Variants in KCNAB1 observed in about 807,000 individuals in gnomAD.
The protein encoded by KCNAB1 is voltage-gated potassium channel subunit beta-1.
A neutral mutation model predicts 64.6 loss-of-function variants in KCNAB1; 35 were observed. The observed-to-expected ratio is 0.54, with a 90% CI of 0.41 to 0.72. KCNAB1 has a LOEUF of 0.72. Among genes scored for constraint, KCNAB1 ranks in the 30% least tolerant of loss-of-function variants. The pLI is 0.00. For missense variants in KCNAB1, 401 were observed against 512.9 expected (o/e 0.78, Z 2.11); for synonymous variants, 177 against 183.8 (o/e 0.96, Z 0.30).
chr3:156,311,584 C>A (rs980611898), intron 1 of KCNAB1, among the ~76,000 whole-genome samples: 2 of 152,154 alleles, frequency 1.3e-5, no homozygotes, highest in African/African-American at 4.8e-5. Context: ...ATGCGCAGAC[C>A]TGGGCCAGCG....
intron 1 of KCNAB1, among the ~76,000 whole-genome samples, chr3:156,389,006 C>T (rs1429119439): frequency 6.6e-6 from 1 of 152,198 alleles, no homozygotes; most frequent in East Asian, 1.9e-4. Flanking sequence ...TAAGTTCCCT[C>T]CCACCAGATG....
chr3:156,497,960 A>G (rs903563052), intron 8 of KCNAB1, among the ~76,000 whole-genome samples: 2 of 152,202 alleles, frequency 1.3e-5, no homozygotes, highest in African/African-American at 4.8e-5. Flanking sequence ...AACTCACACT[A>G]ACTTGGTATA....
intron 1 of KCNAB1, among the ~76,000 whole-genome samples, chr3:156,278,343 T>C (rs2108500261): frequency 6.6e-6 from 1 of 152,218 alleles, no homozygotes; most frequent in African/African-American, 2.4e-5. Flanking sequence ...TCCTCCAGAG[T>C]CTGGTTCACT....
chr3:156,118,894 C>G (rs1713200090), upstream of KCNAB1, among the ~76,000 whole-genome samples: 1 of 152,216 alleles, frequency 6.6e-6, no homozygotes, highest in South Asian at 2.1e-4. Flanking sequence ...CTCAATGACT[C>G]AAGGGATGGG....
At chr3:156,392,221 G>A (rs561002421) in intron 1 of KCNAB1, among the ~76,000 whole-genome samples, 16 of 152,254 alleles carry the variant, frequency 1.1e-4, no homozygotes, top group Non-Finnish European at 1.9e-4. Context: ...CTACCCAGTA[G>A]GAAAAACACC....
intron 1 of KCNAB1, among the ~76,000 whole-genome samples, chr3:156,274,900 G>T (rs960624368): frequency 8.6e-5 from 13 of 152,012 alleles, no homozygotes; most frequent in African/African-American, 3.1e-4. Context: ...TAATTTCTTA[G>T]CAAATTTCAA....
chr3:156,167,617 T>C (rs879552543), intron 1 of KCNAB1, among the ~76,000 whole-genome samples: 5 of 152,192 alleles, frequency 3.3e-5, no homozygotes, highest in Admixed American at 3.3e-4. Context: ...CTCATTGACA[T>C]GTATAAAATA....
chr3:156,350,953 C>T (rs1055630902), intron 1 of KCNAB1, among the ~76,000 whole-genome samples: 12 of 152,212 alleles, frequency 7.9e-5, no homozygotes, highest in African/African-American at 2.7e-4. Flanking sequence ...AGCTGAGACA[C>T]CGTGTGTGAA....
chr3:156,384,367 C>G (rs766394621), intron 1 of KCNAB1, among the ~76,000 whole-genome samples: 1 of 152,104 alleles, frequency 6.6e-6, no homozygotes, highest in Non-Finnish European at 1.5e-5. Flanking sequence ...CCTAGTAGCC[C>G]GATAGTAAAG....
chr3:156,346,444 A>C (rs1215513190), intron 1 of KCNAB1, among the ~76,000 whole-genome samples: 1 of 152,200 alleles, frequency 6.6e-6, no homozygotes, highest in Admixed American at 6.5e-5. Flanking sequence ...AAATTAGCAG[A>C]AGCATCATGT....
At chr3:156,149,395 A>G (rs914336668) in intron 1 of KCNAB1, among the ~76,000 whole-genome samples, 1 of 152,208 alleles carries the variant, frequency 6.6e-6, no homozygotes, top group South Asian at 2.1e-4. Context: ...GAATTGAAAA[A>G]AAGGGGAAGG....
At chr3:156,172,215 A>C (rs1013737758) in intron 1 of KCNAB1, among the ~76,000 whole-genome samples, 2 of 152,186 alleles carry the variant, frequency 1.3e-5, no homozygotes, top group Non-Finnish European at 2.9e-5. Context: ...GATGTGTGAC[A>C]GACAGAGGGA....
chr3:156,253,694 T>C (rs780236480), intron 1 of KCNAB1, among the ~76,000 whole-genome samples: 1 of 152,220 alleles, frequency 6.6e-6, no homozygotes, highest in Non-Finnish European at 1.5e-5. Flanking sequence ...TTGCTTTGTC[T>C]AAACCACATT....
In KCNAB1 at chr3:156,387,021, T is replaced by C. The variant is rs868496144; in HGVS notation, c.276-34595T>C. 4.1e-4 allele frequency among the ~76,000 whole-genome samples: 60 copies of C among 148,106 alleles called. 2 individuals carry two copies. The highest frequency in any genetic ancestry group is 1.2e-3 in the African/African-American group (49 of 39,478). ...TGCTTGCTTTCTCTCTCTCTTTTTTTTTTTTTTTTTTTTGCCTGTATGCTA... is the reference window on the plus strand; with the variant it reads ...TGCTTGCTTTCTCTCTCTCTTTTTTCTTTTTTTTTTTTTGCCTGTATGCTA... On this transcript the variant is annotated intron_variant, in intron 1 of 13. Transcript: ENST00000490337.
At position 156,536,745 on chromosome 3, in the gene KCNAB1, T is replaced by C. The variant is rs1367159784; in HGVS notation, c.1258T>C (p.Ter420GlnextTer4). 1 of 1,599,282 alleles carries C rather than the reference T, an allele frequency of 6.3e-7. No homozygotes were observed. The highest frequency in any genetic ancestry group is 2.2e-5 in the East Asian group (1 of 44,812). Residue 420 changes from the stop codon to glutamine, a stop_lost, in exon 14 of 14, where the codon TAA (stop) becomes CAA (glutamine). Coordinates refer to ENST00000490337, the MANE Select transcript of KCNAB1 (RefSeq NM_172160.3). ...CTACAGCAAGAAGGACTATAGATCA[T>C]AAGGCAATGCATGAACCACAGAAGC... ...KPYSKKDYRS[*>Q]
chr3:156,284,620 C>T lies in KCNAB1; in HGVS notation c.276-136996C>T, dbSNP rs1018508678. ...ACTGCTGTGCTAGCAATCAGCGAGACTCCGTGGGCATAGGACCCTCGGAGC... is the reference window on the plus strand; with the variant it reads ...ACTGCTGTGCTAGCAATCAGCGAGATTCCGTGGGCATAGGACCCTCGGAGC... On this transcript the variant is annotated intron_variant, in intron 1 of 13. Transcript: ENST00000490337. Among the ~76,000 whole-genome samples the T allele has an allele frequency of 7.2e-5, 11 of 152,186 alleles. No homozygotes were observed. The South Asian group carries it at 1.0e-3, about 14-fold the overall frequency.
chr3:156,391,804 G>A (rs1007633107), intron 1 of KCNAB1, among the ~76,000 whole-genome samples: 4 of 152,184 alleles, frequency 2.6e-5, no homozygotes, highest in African/African-American at 9.7e-5. Context: ...GTTTCAAAAA[G>A]TCATGTGACT....
chr3:156,385,655 G>A (rs1243304835), intron 1 of KCNAB1, among the ~76,000 whole-genome samples: 1 of 152,110 alleles, frequency 6.6e-6, no homozygotes, highest in African/African-American at 2.4e-5. Flanking sequence ...AGTAAAACCA[G>A]AAAAGGAAGT....
At chr3:156,504,652 C>T (rs1716689911) in intron 8 of KCNAB1, among the ~76,000 whole-genome samples, 1 of 150,772 alleles carries the variant, frequency 6.6e-6, no homozygotes, top group Non-Finnish European at 1.5e-5. Context: ...GAGACAGGGG[C>T]TTCCTGTTGG....
Sources: allele counts gnomAD v4.1 joint callset (sites outside exome capture counted in the v4.1 genomes callset), GRCh38; gene constraint gnomAD v4.1.1; transcripts MANE v1.5; gene names NCBI Gene and HGNC (gene_info 2026-07-23, HGNC 2026-07-21).